The following PIAS1 variants were observed in gnomAD, a reference collection of about 807,000 sequenced individuals.
PIAS1 encodes the protein protein inhibitor of activated STAT 1.
In PIAS1, 6 loss-of-function variants were observed where a neutral mutation model predicts 71.3. The observed-to-expected ratio is 0.08, with a 90% CI of 0.05 to 0.17. The LOEUF (loss-of-function observed/expected upper bound fraction) is 0.17, where lower values mean the gene tolerates loss of function less well. Ranked by LOEUF, PIAS1 falls within the 10% of genes least tolerant of loss-of-function variation. The probability of loss-of-function intolerance (pLI) is 1.00; values close to 1 mark genes in which losing one functional copy is unlikely to be tolerated. For missense variants in PIAS1, 555 were observed against 793.6 expected (o/e 0.70, Z 3.61); for synonymous variants, 303 against 292.9 (o/e 1.03, Z -0.35).
chr15:68,156,332 A>T (rs796813928), intron 7 of PIAS1, among the ~76,000 whole-genome samples: 8 of 152,342 alleles, frequency 5.3e-5, no homozygotes, highest in African/African-American at 1.9e-4. Flanking sequence ...AGGCAAGATT[A>T]TAAGTATGAG....
At chr15:68,106,351 C>CAAAAAAAAAAAAAAAAAAAAAAAATAAAA (rs11313083) in intron 2 of PIAS1, among the ~76,000 whole-genome samples, 2 of 92,846 alleles carry the variant, frequency 2.2e-5, no homozygotes, top group African/African-American at 3.9e-5. Flanking sequence ...ATGACCTTTG[C>CAAAAAAAAAAAAAAAAAAAAAAAATAAAA]AAAAAAAAAA....
intron 2 of PIAS1, among the ~76,000 whole-genome samples, chr15:68,099,540 T>C (rs1344716259): frequency 6.6e-6 from 1 of 152,092 alleles, no homozygotes; most frequent in Non-Finnish European, 1.5e-5. Flanking sequence ...TGTTTACAGT[T>C]TCTGGCTATC....
intron 2 of PIAS1, among the ~76,000 whole-genome samples, chr15:68,098,585 A>C (rs906893261): frequency 6.6e-6 from 1 of 152,198 alleles, no homozygotes; most frequent in Non-Finnish European, 1.5e-5. Context: ...ACAAAACTCA[A>C]AAGTTACAAA....
rs2093090057 is a variant in PIAS1 at position 68,186,710 on chromosome 15, T to C, written c.1663-832T>C. ...ATACAGGTGTATCATTTTTTTATCT[T>C]TTATACCATATTTTTACTGTACCTT... is the stretch of plus-strand genomic sequence containing the variant. On this transcript the variant is annotated intron_variant, in intron 13 of 13. Transcript: ENST00000249636. This position sits in a 1 kb window ranked among gnomAD's most constrained non-coding sequence, Gnocchi z 4.4. Among the ~76,000 whole-genome samples the C allele has an allele frequency of 6.6e-6, 1 of 152,242 alleles. No homozygotes were observed. The highest frequency in any genetic ancestry group is 2.4e-5 in the African/African-American group (1 of 41,466).
At chr15:68,119,897 C>T (rs1326494460) in intron 2 of PIAS1, among the ~76,000 whole-genome samples, 1 of 152,224 alleles carries the variant, frequency 6.6e-6, no homozygotes, top group African/African-American at 2.4e-5. Flanking sequence ...TACAGTGACT[C>T]TCTCTATCCC....
chr15:68,065,649 CAG>C (rs1369516507), intron 1 of PIAS1, among the ~76,000 whole-genome samples: 3 of 150,190 alleles, frequency 2.0e-5, no homozygotes, highest in South Asian at 2.1e-4. Flanking sequence ...GTTTGCTAAG[CAG>C]AGTTATTTAA....
intron 2 of PIAS1, among the ~76,000 whole-genome samples, chr15:68,115,582 G>T (rs1190332912): frequency 6.6e-6 from 1 of 152,072 alleles, no homozygotes; most frequent in Non-Finnish European, 1.5e-5. Flanking sequence ...ATGTTGAATA[G>T]AAATGGTAAG....
At chr15:68,127,214 G>A (rs1031199560) in intron 2 of PIAS1, among the ~76,000 whole-genome samples, 8 of 152,128 alleles carry the variant, frequency 5.3e-5, no homozygotes, top group Non-Finnish European at 7.4e-5. Context: ...TTGAGCCACC[G>A]CGCCTGGTCA....
rs563203944 is a variant in PIAS1, at chr15:68,131,306, C to A, written c.470-10640C>A. Among the ~76,000 whole-genome samples, 8 of 152,226 alleles carry A rather than the reference C, an allele frequency of 5.3e-5. No homozygotes were observed. In the South Asian group the frequency reaches 1.7e-3, roughly 32 times the overall value. On this transcript the variant is annotated intron_variant, in intron 2 of 13. Transcript: ENST00000249636. ...ATTTATGGGGCACAGAGTGATGTTA[C>A]GATCTTCGACTACCATGTGAAATGC... is the stretch of plus-strand genomic sequence containing the variant.
chr15:68,138,752 G>A (rs1361168188), intron 2 of PIAS1, among the ~76,000 whole-genome samples: 1 of 152,194 alleles, frequency 6.6e-6, no homozygotes, highest in African/African-American at 2.4e-5. Context: ...TGGGATTACA[G>A]GCGTGAGCCA....
intron 1 of PIAS1, among the ~76,000 whole-genome samples, chr15:68,081,437 C>G (rs2092227236): frequency 6.6e-6 from 1 of 152,134 alleles, no homozygotes; most frequent in Non-Finnish European, 1.5e-5. Context: ...TAGTATCTTA[C>G]TCTTAACTAT....
At chr15:68,072,399 C>CAAAAAA (rs1166484451) in intron 1 of PIAS1, among the ~76,000 whole-genome samples, 26 of 25,022 alleles carry the variant, frequency 1.0e-3, no homozygotes, top group African/African-American at 2.7e-3. Context: ...GACTCCATCT[C>CAAAAAA]AAAAAAAAAA....
chr15:68,079,876 A>G (rs534408129), intron 1 of PIAS1, among the ~76,000 whole-genome samples: 4 of 152,202 alleles, frequency 2.6e-5, no homozygotes, highest in African/African-American at 7.2e-5. Flanking sequence ...GTTGTTGCCC[A>G]GGCTGGAGTA....
At chr15:68,160,575 ATGT>A (rs772769054) in intron 7 of PIAS1, among the ~76,000 whole-genome samples, 3 of 152,188 alleles carry the variant, frequency 2.0e-5, no homozygotes, top group Admixed American at 6.5e-5. Context: ...ATTGTTTTGA[ATGT>A]TGTTAAGTCC....
intron 2 of PIAS1, among the ~76,000 whole-genome samples, chr15:68,094,086 T>C (rs1595718738): frequency 6.6e-6 from 1 of 152,122 alleles, no homozygotes; most frequent in African/African-American, 2.4e-5. Context: ...TTGATGTTTA[T>C]GAAACAATCT....
At chr15:68,122,299 A>G (rs1436699818) in intron 2 of PIAS1, among the ~76,000 whole-genome samples, 4 of 152,072 alleles carry the variant, frequency 2.6e-5, no homozygotes, top group Non-Finnish European at 5.9e-5. Context: ...AACAAACAAA[A>G]CCCTTATATC....
chr15:68,075,640 C>T (rs1038599393), intron 1 of PIAS1, among the ~76,000 whole-genome samples: 3 of 152,090 alleles, frequency 2.0e-5, no homozygotes, highest in African/African-American at 2.4e-5. Flanking sequence ...AAGAAAGGGT[C>T]GTTATTATTA....
At position 68,103,075 on chromosome 15, in the gene PIAS1, G is replaced by A. The variant is rs144612196; in HGVS notation, c.469+16325G>A. Among the ~76,000 whole-genome samples the A allele has an allele frequency of 7.5e-3, 1,143 of 151,910 alleles. 7 individuals carry two copies. Among genetic ancestry groups the A allele is most frequent in the Non-Finnish European group, 0.011 (762 of 67,908 alleles). On this transcript the variant is annotated intron_variant, in intron 2 of 13. Transcript: ENST00000249636. ...TCTGAGTAGCTGGGACTATAGGTGCGCACCACCACACCCAGATAATTTTCG... is the reference window on the plus strand; with the variant it reads ...TCTGAGTAGCTGGGACTATAGGTGCACACCACCACACCCAGATAATTTTCG...
At chr15:68,121,233 G>A (rs1006250813) in intron 2 of PIAS1, among the ~76,000 whole-genome samples, 1 of 149,500 alleles carries the variant, frequency 6.7e-6, no homozygotes, top group Non-Finnish European at 1.5e-5. Context: ...TTTTTGCTGA[G>A]TAAAGTGTTA....
Sources: allele counts gnomAD v4.1 joint callset (sites outside exome capture counted in the v4.1 genomes callset), GRCh38; gene constraint gnomAD v4.1.1; non-coding constraint Gnocchi (gnomAD v3.1); transcripts MANE v1.5; gene names NCBI Gene and HGNC (gene_info 2026-07-23, HGNC 2026-07-21).